The following RPS4Y2 variants were observed in gnomAD, a reference collection of about 807,000 sequenced individuals.
The protein encoded by RPS4Y2 is small ribosomal subunit protein eS4, Y isoform 2.
A neutral mutation model predicts 5.0 loss-of-function variants in RPS4Y2; 6 were observed. The observed-to-expected ratio is 1.20, with a 90% confidence interval of 0.66 to 2.37. The LOEUF is 2.37. Among genes scored for constraint, RPS4Y2 ranks in the 30% most tolerant of loss-of-function variants. The pLI is 0.00. For synonymous variants in RPS4Y2, 19 were observed against 19.9 expected, an observed-to-expected ratio of 0.96 and a Z score of 0.12; for missense variants, 80 against 59.5, an observed-to-expected ratio of 1.34 and a Z score of -1.13.
Position 20,761,364 on chromosome Y carries a change from A to G in RPS4Y2, c.343A>G (p.Thr115Ala). 2.6e-6 allele frequency: 1 copy of G among 384,647 alleles called. No homozygotes were observed. Among genetic ancestry groups the G allele is most frequent in the African/African-American group, 6.2e-5 (1 of 16,148 alleles). Residue 115 changes from threonine (T) to alanine (A), a missense_variant, in exon 4 of 7, where the codon ACA (threonine) becomes GCA (alanine). Coordinates refer to ENST00000629237, the MANE Select transcript of RPS4Y2 (RefSeq NM_001039567.3). Reference sequence around the variant, plus strand: ...GGGCTGTTTTGCTGTTCATCGTATCACAGTGGAAGAGGCAAAGGTAAGTGA... The same window carrying G: ...GGGCTGTTTTGCTGTTCATCGTATCGCAGTGGAAGAGGCAAAGGTAAGTGA... Reference protein sequence around the residue: ...TKGCFAVHRITVEEAKYKLCK... With the variant: ...TKGCFAVHRIAVEEAKYKLCK...
At chrY:20,779,391 T>C in intron 5 of RPS4Y2, 118 bp from the exon 6 acceptor site, 3 of 185,942 alleles carry the variant, frequency 1.6e-5, no homozygotes, top group South Asian at 1.5e-4. Context: ...AATTTTGTAA[T>C]GATGCTCCAT....
chrY:20,779,433 A>G, intron 5 of RPS4Y2, 76 bp from the exon 6 acceptor site: 1 of 283,404 alleles, frequency 3.5e-6, no homozygotes, highest in Non-Finnish European at 5.2e-6. Context: ...TCTGTGGTAA[A>G]TTGGTTTTAA....
intron 5 of RPS4Y2, 34 bp downstream of exon 5, chrY:20,769,010 G>A (rs1239146507): frequency 3.8e-6 from 1 of 262,064 alleles, no homozygotes; most frequent in East Asian, 9.8e-5. Context: ...TTTTTCCCTT[G>A]TCTGTTGGCC....
Position 20,768,915 on chromosome Y carries a change from C to T in RPS4Y2, c.471C>T (p.Asn157=), listed in dbSNP as rs758305048. The T allele has an allele frequency of 2.0e-5, 8 of 393,492 alleles. No homozygotes were observed. The highest frequency in any genetic ancestry group is 2.9e-5 in the Non-Finnish European group (8 of 278,882). Reference sequence around the variant, plus strand: ...ACCCAGATCCTCTCATCAAGGTGAACGATACTGTGCAGATTGATTTAGGGA... The same window carrying T: ...ACCCAGATCCTCTCATCAAGGTGAATGATACTGTGCAGATTGATTTAGGGA... ...IRYPDPLIKV[N]DTVQIDLGTG... is the part of the protein sequence containing the mutation. Residue 157 remains asparagine, a synonymous_variant, in exon 5 of 7, where the codon AAC becomes AAT. Transcript: ENST00000629237.
intron 2 of RPS4Y2, 29 bp downstream of exon 2, chrY:20,756,884 C>A (rs763354879): frequency 2.9e-6 from 1 of 347,992 alleles, no homozygotes; most frequent in Admixed American, 7.5e-5. Context: ...GCTTTTTACT[C>A]AAAAGTGCAT....
chrY:20,769,018 G>T, intron 5 of RPS4Y2, 42 bp downstream of exon 5: 1 of 237,693 alleles, frequency 4.2e-6, no homozygotes, highest in South Asian at 3.8e-5. Flanking sequence ...TTGTCTGTTG[G>T]CCACCTCCCT....
rs1352989953 is a variant in RPS4Y2, at chrY:20,779,591, C to T, written c.615C>T (p.Cys205=). 2.5e-6 allele frequency: 1 copy of T among 396,747 alleles called. No individual in the cohort carries two copies. Among genetic ancestry groups the T allele is most frequent in the Non-Finnish European group, 3.5e-6 (1 of 281,690 alleles). The change falls in exon 6 of 7, where the codon TGC becomes TGT. Residue 205 remains cysteine (C), a synonymous_variant. Coordinates refer to ENST00000629237, the MANE Select transcript of RPS4Y2 (RefSeq NM_001039567.3). ...ITNRERHPGS[C]DVVHVKDANG... is the part of the protein sequence containing the mutation. ...ACAGGGAAAGACATCCTGGTTCTTG[C>T]GATGTGGTACATGTGAAGGATGCCA...
At position 20,761,396 on chromosome Y, in the gene RPS4Y2, T is replaced by C; in HGVS notation, c.360+15T>C. 1 of 330,419 alleles carries C rather than the reference T, an allele frequency of 3.0e-6. No homozygotes were observed. Among genetic ancestry groups the C allele is most frequent in the Non-Finnish European group, 4.5e-6 (1 of 221,248 alleles). The allele number at this position is 330,419 out of a possible 400,897, so 82.4% of individuals were successfully genotyped here. A position where few individuals can be genotyped will look rare whatever the true frequency, so the allele number is the denominator to read the frequency against. ...AAGAGGCAAAGGTAAGTGAGCTTTA[T>C]AATTTCCAGACAGATAGGTCTGTTG... On this transcript the variant is annotated intron_variant, in intron 4 of 6. Transcript: ENST00000629237.
chrY:20,780,873 G>A (rs902738085), intron 6 of RPS4Y2, 58 bp from the exon 7 acceptor site: 23 of 234,787 alleles, frequency 9.8e-5, no homozygotes, highest in Non-Finnish European at 1.5e-4. Flanking sequence ...GCTTTCTTTC[G>A]TCTCCTCCCT....
Position 20,759,895 on chromosome Y carries a change from A to C in RPS4Y2, c.109A>C (p.Lys37Gln), listed in dbSNP as rs778852565. Residue 37 changes from lysine to glutamine, a missense_variant, in exon 3 of 7, where the codon AAG becomes CAG. Transcript: ENST00000629237. The part of the protein sequence containing the change: ...FAPRPSTGPH[K>Q]LRECLPLIVF... ...ACCTCGTCCATCGACAGGTCCTCAC[A>C]AGCTGAGGGAATGTCTTCCCCTGAT... is the stretch of plus-strand genomic sequence containing the variant. 3.0e-5 allele frequency: 12 copies of C among 398,265 alleles called. No homozygotes were observed. Among genetic ancestry groups the C allele is most frequent in the Non-Finnish European group, 4.2e-5 (12 of 283,148 alleles).
chrY:20,769,081 T>G, intron 5 of RPS4Y2, 105 bp downstream of exon 5: 1 of 167,919 alleles, frequency 6.0e-6, no homozygotes, highest in South Asian at 5.2e-5. Flanking sequence ...TTATCTGTAT[T>G]ACCATCTTGA....
chrY:20,756,630 T>C, intron 1 of RPS4Y2, 148 bp from the exon 2 acceptor site: 1 of 177,461 alleles, frequency 5.6e-6, no homozygotes, highest in Non-Finnish European at 1.1e-5. Flanking sequence ...GGAAGTAATA[T>C]TTGCTCAAAA....
At chrY:20,779,703 A>G in intron 6 of RPS4Y2, 37 bp downstream of exon 6, 1 of 345,549 alleles carries the variant, frequency 2.9e-6, no homozygotes, top group Non-Finnish European at 4.2e-6. Context: ...TTCTAAGAAG[A>G]CTCACCCTAA....
chrY:20,768,997 T>G (rs779447849), intron 5 of RPS4Y2, 21 bp downstream of exon 5: 3 of 333,753 alleles, frequency 9.0e-6, no homozygotes, highest in African/African-American at 6.7e-5. Context: ...TTTTGTTGTT[T>G]TTTTTTTCCC....
chrY:20,760,141 A>G, intron 3 of RPS4Y2, 93 bp downstream of exon 3: 2 of 219,161 alleles, frequency 9.1e-6, no homozygotes, highest in South Asian at 7.7e-5. Context: ...GCAAAACCCA[A>G]CACTGAACTT....
In RPS4Y2 at chrY:20,779,680, T is replaced by A; in HGVS notation, c.690+14T>A. On this transcript the variant is annotated intron_variant, in intron 6 of 6. Coordinates refer to ENST00000629237, the MANE Select transcript of RPS4Y2 (RefSeq NM_001039567.3). ...GTCATTGGCAATGTAAGACTTGCAC[T>A]CTCTTTACTACTTTCTAAGAAGACT... is the stretch of plus-strand genomic sequence containing the variant. 1 of 381,948 alleles carries A rather than the reference T, an allele frequency of 2.6e-6. No homozygotes were observed. Among genetic ancestry groups the A allele is most frequent in the South Asian group, 3.0e-5 (1 of 33,429 alleles).
chrY:20,779,677 C>T lies in RPS4Y2; in HGVS notation c.690+11C>T. The T allele has an allele frequency of 2.6e-6, 1 of 387,281 alleles. No individual in the cohort carries two copies. The highest frequency in any genetic ancestry group is 3.7e-6 in the Non-Finnish European group (1 of 272,955). On this transcript the variant is annotated intron_variant, in intron 6 of 6. Transcript: ENST00000629237. ...TTTGTCATTGGCAATGTAAGACTTG[C>T]ACTCTCTTTACTACTTTCTAAGAAG... is the stretch of plus-strand genomic sequence containing the variant.
At position 20,760,046 on chromosome Y, in the gene RPS4Y2, T is replaced by C; in HGVS notation, c.260T>C (p.Ile87Thr). ...RVDITYPAGF[I>T]DVISIEKTGE... is the part of the protein sequence containing the mutation. Reference sequence around the variant, plus strand: ...GACATCACATACCCTGCTGGATTCATAGGTAAGGAAAGAGTTCTTTGTTTT... The same window carrying C: ...GACATCACATACCCTGCTGGATTCACAGGTAAGGAAAGAGTTCTTTGTTTT... Residue 87 changes from isoleucine to threonine, a missense_variant and splice_region_variant, in exon 3 of 7, where the codon ATA (isoleucine) becomes ACA (threonine). Coordinates refer to ENST00000629237, the MANE Select transcript of RPS4Y2 (RefSeq NM_001039567.3). 2.5e-6 allele frequency: 1 copy of C among 394,749 alleles called. No homozygotes were observed. Among genetic ancestry groups the C allele is most frequent in the South Asian group, 3.0e-5 (1 of 33,675 alleles).
intron 3 of RPS4Y2, 77 bp downstream of exon 3, chrY:20,760,125 C>T: frequency 1.2e-5 from 3 of 252,086 alleles, no homozygotes; most frequent in Non-Finnish European, 1.9e-5. Context: ...ATGTTGCCAA[C>T]GATAAGCAAA....
Sources: gnomAD v4.1 joint callset for allele counts on GRCh38, gnomAD v4.1.1 for gene constraint, MANE v1.5 for transcripts, NCBI Gene and HGNC (gene_info 2026-07-23, HGNC 2026-07-21) for gene names.